KIF11: variants seen among roughly 807,000 people sequenced by gnomAD.
The protein encoded by KIF11 is kinesin family member 11.
A neutral mutation model predicts 121.0 loss-of-function variants in KIF11; 9 were observed. That is an observed-to-expected ratio of 0.07 (90% CI 0.04 to 0.13). The LOEUF (loss-of-function observed/expected upper bound fraction) is 0.13, where lower values mean the gene tolerates loss of function less well. Among genes scored for constraint, KIF11 ranks in the 10% least tolerant of loss-of-function variants. KIF11 has a pLI of 1.00. For synonymous variants in KIF11, 408 were observed against 421.0 expected, an observed-to-expected ratio of 0.97 and a Z score of 0.38; for missense variants, 846 against 1,217.5, an observed-to-expected ratio of 0.69 and a Z score of 4.54.
chr10:92,631,641 G>T (rs531038557), intron 12 of KIF11, among the ~76,000 whole-genome samples: 1 of 151,362 alleles, frequency 6.6e-6, no homozygotes, highest in Non-Finnish European at 1.5e-5. Context: ...GATTACAGGC[G>T]TGAGCCACCG....
chr10:92,618,946 C>T (rs945329341), intron 9 of KIF11, among the ~76,000 whole-genome samples: 3 of 152,174 alleles, frequency 2.0e-5, no homozygotes, highest in Admixed American at 1.3e-4. Context: ...GTAACCTGTC[C>T]TCTATCATTT....
chr10:92,621,291 A>C, intron 9 of KIF11, 94 bp from the exon 10 acceptor site: 1 of 632,616 alleles, frequency 1.6e-6, no homozygotes, highest in Non-Finnish European at 2.7e-6. Context: ...AAAAGACATA[A>C]AAAGGCTAAC....
chr10:92,621,611 T>TGTGTGTGTGTGTGTGTGTGTG lies in KIF11; in HGVS notation c.1217+138_1217+139insGTGTGTGTGTGTGTGTGTGTG, dbSNP rs1564709442. On this transcript the variant is annotated intron_variant, in intron 10 of 21. Coordinates refer to ENST00000260731, the MANE Select transcript of KIF11 (RefSeq NM_004523.4). ...ATACTTCATTTTGTGTGTGTGTGTG[T>TGTGTGTGTGTGTGTGTGTGTG]TTTCTTTTGAGACAAGGTCTCGCAC... The TGTGTGTGTGTGTGTGTGTGTG allele has an allele frequency of 3.6e-4, 208 of 578,598 alleles. 2 individuals carry two copies. Among genetic ancestry groups the TGTGTGTGTGTGTGTGTGTGTG allele is most frequent in the East Asian group, 6.3e-4 (21 of 33,190 alleles). 35.8% of individuals were successfully genotyped at this position (578,598 alleles called of 1,614,324 possible).
chr10:92,640,651 C>T (rs184769187), intron 17 of KIF11, among the ~76,000 whole-genome samples: 3,167 of 151,948 alleles, frequency 0.021, 48 homozygotes, highest in Admixed American at 0.053. Flanking sequence ...AGGATGGTCT[C>T]GATCTCCTGA....
At chr10:92,616,212 T>G (rs989017060) in intron 8 of KIF11, among the ~76,000 whole-genome samples, 1 of 151,764 alleles carries the variant, frequency 6.6e-6, no homozygotes, top group African/African-American at 2.4e-5. Flanking sequence ...GTTTTGTTTT[T>G]TTGTTTTTTT....
intron 8 of KIF11, among the ~76,000 whole-genome samples, chr10:92,614,436 C>T (rs977961123): frequency 1.3e-5 from 2 of 152,146 alleles, no homozygotes; most frequent in African/African-American, 4.8e-5. Context: ...AGAATCTGGA[C>T]ATTGCATATG....
Position 92,653,727 on chromosome 10 carries a change from A to G in KIF11, c.3102A>G (p.Lys1034=), listed in dbSNP as rs1436822497. 6.2e-7 allele frequency: 1 copy of G among 1,613,590 alleles called. No homozygotes were observed. The highest frequency in any genetic ancestry group is 1.1e-5 in the South Asian group (1 of 91,058). Reference sequence around the variant, plus strand: ...GCATTAACACACTGGAGAGGTCTAAAGTGGAAGAAACTACAGAGCACTTGG... The same window carrying G: ...GCATTAACACACTGGAGAGGTCTAAGGTGGAAGAAACTACAGAGCACTTGG... ...NRGINTLERS[K]VEETTEHLVT... The change falls in exon 22 of 22, where the codon AAA becomes AAG. Residue 1034 remains lysine, a synonymous_variant. Coordinates refer to ENST00000260731, the MANE Select transcript of KIF11 (RefSeq NM_004523.4).
chr10:92,613,266 A>G lies in KIF11; in HGVS notation c.790-111A>G. On this transcript the variant is annotated intron_variant, in intron 7 of 21. Coordinates refer to ENST00000260731, the MANE Select transcript of KIF11 (RefSeq NM_004523.4). The surrounding 1 kb of genome is among the most constrained non-coding windows in gnomAD (Gnocchi z 4.2). ...GTGGGAGAAGAAATTTGTTAATTAC[A>G]GAAAAAATTATTTTGCTGGCGATTT... The G allele has an allele frequency of 2.7e-6, 3 of 1,097,910 alleles. No homozygotes were observed. The highest frequency in any genetic ancestry group is 2.6e-5 in the East Asian group (1 of 38,588). 68.0% of individuals were successfully genotyped at this position (1,097,910 alleles called of 1,614,324 possible).
intron 21 of KIF11, 33 bp downstream of exon 21, chr10:92,650,550 A>T (rs1170836441): frequency 8.9e-7 from 1 of 1,125,320 alleles, no homozygotes; most frequent in Non-Finnish European, 1.4e-6. Context: ...TCCACATCTG[A>T]TGTAAGTCAT....
At chr10:92,604,771 A>G (rs1315854455) in intron 1 of KIF11, among the ~76,000 whole-genome samples, 6 of 152,184 alleles carry the variant, frequency 3.9e-5, no homozygotes, top group Admixed American at 3.9e-4. Flanking sequence ...AACTCAGGTC[A>G]AGATTATGTC....
At chr10:92,602,719 G>A (rs755886925) in intron 1 of KIF11, among the ~76,000 whole-genome samples, 2 of 151,544 alleles carry the variant, frequency 1.3e-5, no homozygotes, top group Admixed American at 6.6e-5. Flanking sequence ...GCTGTGTCCC[G>A]TAAGTTTTGG....
intron 1 of KIF11, among the ~76,000 whole-genome samples, chr10:92,598,751 C>G (rs954206869): frequency 2.0e-5 from 3 of 151,886 alleles, no homozygotes; most frequent in African/African-American, 7.3e-5. Context: ...TTATTTATGC[C>G]CCTTAATTTC....
intron 8 of KIF11, among the ~76,000 whole-genome samples, chr10:92,614,021 T>TACACACACACACAC (rs71028831): frequency 1.2e-4 from 15 of 127,052 alleles, no homozygotes; most frequent in African/African-American, 3.2e-4. Context: ...AGTATGTGTA[T>TACACACACACACAC]ACACACACAC....
At chr10:92,630,038 G>A (rs529685868) in intron 11 of KIF11, 138 bp from the exon 12 acceptor site, 11 of 548,858 alleles carry the variant, frequency 2.0e-5, no homozygotes, top group African/African-American at 1.8e-4. Flanking sequence ...AAAGAAACAG[G>A]ATGACATATT....
chr10:92,623,984 G>T (rs1025224196), intron 10 of KIF11, among the ~76,000 whole-genome samples: 7 of 151,616 alleles, frequency 4.6e-5, no homozygotes, highest in African/African-American at 1.7e-4. Context: ...ATATTATTTT[G>T]TCACCCAGAT....
intron 14 of KIF11, among the ~76,000 whole-genome samples, chr10:92,635,309 C>T (rs1041298150): frequency 1.3e-5 from 2 of 152,128 alleles, no homozygotes; most frequent in Admixed American, 6.6e-5. Flanking sequence ...AATATTGATT[C>T]ATTCATTAAA....
In KIF11 at chr10:92,653,798, T is replaced by TCA. The variant is rs753664821; in HGVS notation, c.*4_*5dup. 3 of 1,603,854 alleles carry TCA rather than the reference T, an allele frequency of 1.9e-6. No individual in the cohort carries two copies. The highest frequency in any genetic ancestry group is 2.5e-6 in the Non-Finnish European group (3 of 1,177,590). ...CTGCGAGCCCAGATCAACCTTTAATTCACTTGGGGGTTGGCAATTTTATTT... is the reference window on the plus strand; with the variant it reads ...CTGCGAGCCCAGATCAACCTTTAATTCACACTTGGGGGTTGGCAATTTTATTT... On this transcript the variant is annotated 3_prime_UTR_variant, in exon 22 of 22. Transcript: ENST00000260731.
In KIF11 at chr10:92,607,171, TG is replaced by T; in HGVS notation, c.323del (p.Gly108AlafsTer28). The T allele has an allele frequency of 6.2e-7, 1 of 1,604,906 alleles. No individual in the cohort carries two copies. The highest frequency in any genetic ancestry group is 8.5e-7 in the Non-Finnish European group (1 of 1,171,964). On this transcript the variant is annotated frameshift_variant, in exon 4 of 22. Transcript: ENST00000260731. LOFTEE classifies it high-confidence loss of function. ...TTAATCTTTACAGGTATGGCCAAAC[TG>T]GCACTGGAAAAACTTTTACAATGGA... Reference protein sequence around the residue: ...NCTIFAYGQTGTGKTFTMEGE... With the variant: ...NCTIFAYGQTXTGKTFTMEGE...
At chr10:92,642,226 T>G (rs1844872428) in intron 17 of KIF11, among the ~76,000 whole-genome samples, 1 of 152,110 alleles carries the variant, frequency 6.6e-6, no homozygotes, top group Admixed American at 6.6e-5. Context: ...TTGAAGATTT[T>G]GGGTATTATG....
Sources: allele counts gnomAD v4.1 joint callset (sites outside exome capture counted in the v4.1 genomes callset), GRCh38; gene constraint gnomAD v4.1.1; non-coding constraint Gnocchi (gnomAD v3.1); transcripts MANE v1.5; gene names NCBI Gene and HGNC (gene_info 2026-07-23, HGNC 2026-07-21).